The following SEC22A variants were observed in gnomAD, a reference collection of about 807,000 sequenced individuals.
The protein encoded by SEC22A is vesicle-trafficking protein SEC22a.
Under a neutral mutation model 35.3 loss-of-function variants are expected in SEC22A, and 22 were observed. The ratio of observed to expected loss-of-function variants is 0.62; its 90% CI spans 0.45 to 0.89. The LOEUF (loss-of-function observed/expected upper bound fraction) is 0.89. Among genes scored for constraint, SEC22A ranks in the 40% least tolerant of loss-of-function variants. SEC22A has a pLI of 0.00. For missense variants in SEC22A, 354 were observed against 362.5 expected (o/e 0.98, Z 0.19); for synonymous variants, 119 against 129.5 (o/e 0.92, Z 0.55).
chr3:123,256,280 G>A (rs1254221321), intron 5 of SEC22A, among the ~76,000 whole-genome samples: 1 of 152,188 alleles, frequency 6.6e-6, no homozygotes, highest in African/African-American at 2.4e-5. Context: ...TCCTGAAGCA[G>A]ACTGAAATAT....
chr3:123,224,063 G>C (rs1937177924), intron 3 of SEC22A, among the ~76,000 whole-genome samples: 1 of 152,130 alleles, frequency 6.6e-6, no homozygotes, highest in Admixed American at 6.5e-5. Context: ...ACATTTGCTG[G>C]AAAGGACCAG....
rs1379613136 is a variant in SEC22A at position 123,245,949 on chromosome 3, C to A, written c.592C>A (p.Leu198Ile). Residue 198 changes from leucine to isoleucine, a missense_variant, in exon 5 of 7, where the codon CTT becomes ATT. Leu to Ile is a conservative substitution (Grantham distance 5). Transcript: ENST00000492595. Reference protein sequence around the residue: ...ATLSGIVGFILSLLCGALNLI... With the variant: ...ATLSGIVGFIISLLCGALNLI... ...TCTGTCAGGGATTGTAGGATTTATC[C>A]TTAGTCTTTTATGTGGAGCTCTGAA... The A allele has an allele frequency of 6.2e-7, 1 of 1,613,196 alleles. No homozygotes were observed. The highest frequency in any genetic ancestry group is 2.2e-5 in the East Asian group (1 of 44,850).
chr3:123,221,239 G>C (rs968083515), intron 2 of SEC22A, among the ~76,000 whole-genome samples: 1 of 151,826 alleles, frequency 6.6e-6, no homozygotes, highest in East Asian at 1.9e-4. Context: ...GGGAGGCCAA[G>C]GTGGGCAGAT....
intron 4 of SEC22A, among the ~76,000 whole-genome samples, chr3:123,231,049 A>G (rs1937317268): frequency 6.6e-6 from 1 of 152,210 alleles, no homozygotes; most frequent in South Asian, 2.1e-4. Context: ...CTTTACGACA[A>G]ACATTGGTAT....
chr3:123,254,591 G>A (rs962509693), intron 5 of SEC22A, among the ~76,000 whole-genome samples: 1 of 151,894 alleles, frequency 6.6e-6, no homozygotes, highest in African/African-American at 2.4e-5. Flanking sequence ...TTCCCTACTG[G>A]CTCGTTTCCC....
chr3:123,205,151 A>G (rs529828052), intron 1 of SEC22A, among the ~76,000 whole-genome samples: 2 of 152,332 alleles, frequency 1.3e-5, no homozygotes, highest in Non-Finnish European at 2.9e-5. Context: ...GGTGGTTGGA[A>G]TCTGTCTACA....
chr3:123,259,653 A>AT (rs1937832479), intron 6 of SEC22A, 64 bp downstream of exon 6: 1 of 1,060,936 alleles, frequency 9.4e-7, no homozygotes, highest in South Asian at 1.4e-5. Context: ...ATCAGTTCTA[A>AT]CAATTGTGCA....
intron 1 of SEC22A, among the ~76,000 whole-genome samples, chr3:123,205,500 C>G (rs1321718269): frequency 1.3e-5 from 2 of 152,036 alleles, no homozygotes; most frequent in Non-Finnish European, 2.9e-5. Flanking sequence ...CCAGCCTGGC[C>G]AACACAGTTA....
At chr3:123,229,485 A>T (rs904591343) in intron 4 of SEC22A, among the ~76,000 whole-genome samples, 2 of 152,264 alleles carry the variant, frequency 1.3e-5, no homozygotes, top group African/African-American at 4.8e-5. Context: ...TCTTTTAAAA[A>T]AATGAAGGCA....
intron 3 of SEC22A, 39 bp from the exon 4 acceptor site, chr3:123,225,064 C>A: frequency 7.7e-7 from 1 of 1,291,320 alleles, no homozygotes; most frequent in South Asian, 1.4e-5. Flanking sequence ...GATTAATTGA[C>A]AAGTGACTGC....
chr3:123,238,887 A>G (rs1286280398), intron 4 of SEC22A, among the ~76,000 whole-genome samples: 1 of 152,194 alleles, frequency 6.6e-6, no homozygotes, highest in Non-Finnish European at 1.5e-5. Flanking sequence ...AAAACTGTTT[A>G]TTATGGAAAT....
chr3:123,204,642 T>G (rs1936817138), intron 1 of SEC22A: 1 of 152,234 alleles, frequency 6.6e-6, no homozygotes, highest in African/African-American at 2.4e-5. Flanking sequence ...TGTGGGAATT[T>G]ATTTTCCTCA....
chr3:123,267,485 A>G (rs1484407037), intron 6 of SEC22A, among the ~76,000 whole-genome samples: 4 of 152,038 alleles, frequency 2.6e-5, no homozygotes, highest in African/African-American at 7.2e-5. Flanking sequence ...ATCTCCCTAG[A>G]TGTGTTTTTG....
intron 4 of SEC22A, among the ~76,000 whole-genome samples, chr3:123,228,398 C>A (rs1937251532): frequency 8.0e-6 from 1 of 124,902 alleles, no homozygotes. Context: ...AATCCCGTCT[C>A]TACTAAAAAA....
rs117904967 is a variant in SEC22A at position 123,235,713 on chromosome 3, A to T, written c.542-10186A>T. ...GAGAAATGCAAACATATGTCCACAC[A>T]AAAATATGTGTATGAATGTAGCATT... On this transcript the variant is annotated intron_variant, in intron 4 of 6. Transcript: ENST00000492595. 3.2e-4 allele frequency among the ~76,000 whole-genome samples: 48 copies of T among 152,350 alleles called. 1 individual carries two copies. In the East Asian group the frequency reaches 7.3e-3, roughly 23 times the overall value.
At chr3:123,225,761 C>T (rs1028315309) in intron 4 of SEC22A, among the ~76,000 whole-genome samples, 1 of 151,924 alleles carries the variant, frequency 6.6e-6, no homozygotes, top group Non-Finnish European at 1.5e-5. Flanking sequence ...CTGTAGTCAC[C>T]CTATTGTGGT....
In SEC22A at chr3:123,209,372, C is replaced by T; in HGVS notation, c.155C>T (p.Thr52Ile). 1 of 1,613,562 alleles carries T rather than the reference C, an allele frequency of 6.2e-7. No individual in the cohort carries two copies. The highest frequency in any genetic ancestry group is 8.5e-7 in the Non-Finnish European group (1 of 1,179,608). ...CTTGCTCAACTTCCTGATAGATGTA[C>T]ACTGAAAACTGGACATTATAACATT... ...RKLAQLPDRC[T>I]LKTGHYNINF... The change falls in exon 2 of 7, where the codon ACA (threonine) becomes ATA (isoleucine). Residue 52 changes from threonine (T) to isoleucine (I), a missense_variant. Coordinates refer to ENST00000492595, the MANE Select transcript of SEC22A (RefSeq NM_012430.5).
At chr3:123,262,682 C>T (rs1937919629) in intron 6 of SEC22A, among the ~76,000 whole-genome samples, 1 of 152,120 alleles carries the variant, frequency 6.6e-6, no homozygotes, top group African/African-American at 2.4e-5. Flanking sequence ...GTAGGCTAGG[C>T]TAAGCTATGA....
rs866349557 is a variant in SEC22A at position 123,271,804 on chromosome 3, T to C, written c.*82T>C. Reference sequence around the variant, plus strand: ...TAACTGCACTGTGATGAAGAAGCTGTTCCCCACAGAGGAGAAGCTCTGCTT... The same window carrying C: ...TAACTGCACTGTGATGAAGAAGCTGCTCCCCACAGAGGAGAAGCTCTGCTT... On this transcript the variant is annotated 3_prime_UTR_variant, in exon 7 of 7. Coordinates refer to ENST00000492595, the MANE Select transcript of SEC22A (RefSeq NM_012430.5). The C allele has an allele frequency of 2.7e-5, 31 of 1,156,414 alleles. 1 individual carries two copies. The Middle Eastern group carries it at 2.7e-3, about 99-fold the overall frequency. 71.6% of individuals were successfully genotyped at this position (1,156,414 alleles called of 1,614,324 possible). A position where few individuals can be genotyped will look rare whatever the true frequency, so the allele number is the denominator to read the frequency against.
Sources: allele counts gnomAD v4.1 joint callset (sites outside exome capture counted in the v4.1 genomes callset), GRCh38; gene constraint gnomAD v4.1.1; transcripts MANE v1.5; gene names NCBI Gene and HGNC (gene_info 2026-07-23, HGNC 2026-07-21).